ANO10: variants seen among roughly 807,000 people sequenced by gnomAD.
ANO10 encodes the protein anoctamin-10.
Under a neutral mutation model 74.7 loss-of-function variants are expected in ANO10, and 77 were observed. That is an observed-to-expected ratio of 1.03 (90% CI 0.86 to 1.25). The LOEUF (loss-of-function observed/expected upper bound fraction) is 1.25. Among genes scored for constraint, ANO10 ranks in the 50% most tolerant of loss-of-function variants. The pLI is 0.00. For missense variants in ANO10, 721 were observed against 778.1 expected, an observed-to-expected ratio of 0.93 and a Z score of 0.87; for synonymous variants, 279 against 284.9, an observed-to-expected ratio of 0.98 and a Z score of 0.21.
In ANO10 at chr3:43,570,643, G is replaced by A. The variant is rs561637471; in HGVS notation, c.1218+4166C>T. 2.0e-5 allele frequency among the ~76,000 whole-genome samples: 3 copies of A among 150,662 alleles called. No individual in the cohort carries two copies. In the South Asian group the frequency reaches 6.3e-4, roughly 32 times the overall value. ...ACTGGCTAGCCATATGTAGAAAGCT[G>A]AAACTGGATCCCTTCCTTACACCTT... On this transcript the variant is annotated intron_variant, in intron 7 of 12. Coordinates refer to ENST00000292246, the MANE Select transcript of ANO10 (RefSeq NM_018075.5).
chr3:43,367,713 C>G (rs958886818), intron 12 of ANO10, among the ~76,000 whole-genome samples: 14 of 152,164 alleles, frequency 9.2e-5, no homozygotes, highest in African/African-American at 3.4e-4. Flanking sequence ...CCTTCCCCTA[C>G]CCCAGCCCTG....
upstream of ANO10, among the ~76,000 whole-genome samples, chr3:43,626,251 C>T (rs868400953): frequency 6.8e-6 from 1 of 147,350 alleles, no homozygotes; most frequent in African/African-American, 2.5e-5. Flanking sequence ...TTTTTAAATT[C>T]TTCCATGGTT....
chr3:43,488,506 G>A (rs1442057638), intron 11 of ANO10, among the ~76,000 whole-genome samples: 20 of 151,858 alleles, frequency 1.3e-4, no homozygotes, highest in East Asian at 1.9e-4. Flanking sequence ...AAAAGTGGGC[G>A]AAGGACATGA....
intron 11 of ANO10, among the ~76,000 whole-genome samples, chr3:43,518,751 G>T (rs1026523465): frequency 3.9e-5 from 6 of 152,110 alleles, no homozygotes; most frequent in African/African-American, 1.2e-4. Flanking sequence ...GGCCTATTAG[G>T]ATTAGGAAAT....
intron 11 of ANO10, among the ~76,000 whole-genome samples, chr3:43,455,111 T>C (rs1559561240): frequency 6.6e-6 from 1 of 151,930 alleles, no homozygotes; most frequent in Non-Finnish European, 1.5e-5. Flanking sequence ...GCAAGTGGTG[T>C]AGCTGGCGGG....
intron 4 of ANO10, among the ~76,000 whole-genome samples, chr3:43,595,944 C>A (rs954071188): frequency 5.3e-5 from 8 of 152,162 alleles, no homozygotes; most frequent in African/African-American, 1.9e-4. Context: ...GTGCAAAAAT[C>A]ACAAGCATTC....
At chr3:43,408,015 G>A (rs896391019) in intron 12 of ANO10, among the ~76,000 whole-genome samples, 1 of 152,182 alleles carries the variant, frequency 6.6e-6, no homozygotes, top group Admixed American at 6.5e-5. Flanking sequence ...AGCTGTGGCA[G>A]CAAAAGGAAA....
chr3:43,475,570 C>T (rs2076034915), intron 11 of ANO10, among the ~76,000 whole-genome samples: 1 of 152,056 alleles, frequency 6.6e-6, no homozygotes, highest in Non-Finnish European at 1.5e-5. Flanking sequence ...AAATGCCTAT[C>T]ACAAATTTGT....
At chr3:43,501,809 A>G (rs2077109963) in intron 11 of ANO10, among the ~76,000 whole-genome samples, 1 of 152,180 alleles carries the variant, frequency 6.6e-6, no homozygotes, top group Non-Finnish European at 1.5e-5. Context: ...ATTATGGAGA[A>G]GGGGAGGAGG....
intron 11 of ANO10, among the ~76,000 whole-genome samples, chr3:43,486,197 C>T (rs1343682909): frequency 6.6e-6 from 1 of 152,212 alleles, no homozygotes; most frequent in African/African-American, 2.4e-5. Flanking sequence ...TCTCTGAGGG[C>T]CTCTAGCTAT....
intron 12 of ANO10, among the ~76,000 whole-genome samples, chr3:43,409,960 T>TAA (rs1419811963): frequency 2.6e-5 from 4 of 152,324 alleles, no homozygotes; most frequent in Middle Eastern, 3.4e-3. Context: ...ACCCAAACTT[T>TAA]AAGAAAATTG....
At chr3:43,673,506 C>T (rs984895831) in intron 1 of ANO10, among the ~76,000 whole-genome samples, 1 of 152,098 alleles carries the variant, frequency 6.6e-6, no homozygotes, top group African/African-American at 2.4e-5. Context: ...CTCTTGGAAA[C>T]TCTAATACAG....
chr3:43,505,740 T>C (rs1575289239), intron 11 of ANO10, among the ~76,000 whole-genome samples: 1 of 152,332 alleles, frequency 6.6e-6, no homozygotes, highest in South Asian at 2.1e-4. Context: ...AATTTGTTAT[T>C]ATTCTGCAGT....
chr3:43,618,548 C>T (rs1325951475), intron 1 of ANO10, among the ~76,000 whole-genome samples: 3 of 152,172 alleles, frequency 2.0e-5, no homozygotes, highest in African/African-American at 7.2e-5. Context: ...GTTCCCAAGA[C>T]ACAGACCTTT....
intron 12 of ANO10, among the ~76,000 whole-genome samples, chr3:43,384,117 T>C (rs569775622): frequency 7.3e-4 from 111 of 152,106 alleles, no homozygotes; most frequent in African/African-American, 2.5e-3. Flanking sequence ...CCCTGCTATA[T>C]ACCAACAGCG....
At chr3:43,628,407 C>T (rs1196804322) in intron 1 of ANO10, among the ~76,000 whole-genome samples, 3 of 152,156 alleles carry the variant, frequency 2.0e-5, no homozygotes, top group Admixed American at 2.0e-4. Context: ...TTTCTTAATC[C>T]TGTCAGCCGA....
At chr3:43,516,101 G>A (rs2077700887) in intron 11 of ANO10, among the ~76,000 whole-genome samples, 1 of 152,156 alleles carries the variant, frequency 6.6e-6, no homozygotes, top group South Asian at 2.1e-4. Flanking sequence ...ACTGTGACCT[G>A]GGACTGGGGT....
At chr3:43,615,806 A>G (rs1470431667) in intron 1 of ANO10, among the ~76,000 whole-genome samples, 5 of 151,944 alleles carry the variant, frequency 3.3e-5, no homozygotes, top group African/African-American at 1.2e-4. Context: ...GGGGCATGCC[A>G]CCACGCCCAG....
chr3:43,672,878 T>C (rs2084076690), intron 1 of ANO10, among the ~76,000 whole-genome samples: 1 of 152,212 alleles, frequency 6.6e-6, no homozygotes, highest in Admixed American at 6.5e-5. Context: ...ACAATTTCTG[T>C]GGTATAAATA....
Sources: allele counts gnomAD v4.1 joint callset (sites outside exome capture counted in the v4.1 genomes callset), GRCh38; gene constraint gnomAD v4.1.1; transcripts MANE v1.5; gene names NCBI Gene and HGNC (gene_info 2026-07-23, HGNC 2026-07-21).